The following DENND1B variants were observed in gnomAD, a reference collection of about 807,000 sequenced individuals.
DENND1B encodes DENN domain containing 1B, also known as DENN domain-containing protein 1B.
Under a neutral mutation model 90.1 loss-of-function variants are expected in DENND1B, and 59 were observed. The ratio of observed to expected loss-of-function variants is 0.65; its 90% CI spans 0.53 to 0.81. The LOEUF (loss-of-function observed/expected upper bound fraction) is 0.81, where lower values mean the gene tolerates loss of function less well. Ranked by LOEUF, DENND1B falls within the 40% of genes least tolerant of loss-of-function variation. The pLI is 0.00. For missense variants in DENND1B, 862 were observed against 912.6 expected, an observed-to-expected ratio of 0.94 and a Z score of 0.71; for synonymous variants, 337 against 324.6, an observed-to-expected ratio of 1.04 and a Z score of -0.41.
At chr1:197,714,667 T>A (rs79442773) in intron 3 of DENND1B, among the ~76,000 whole-genome samples, 1 of 152,152 alleles carries the variant, frequency 6.6e-6, no homozygotes, top group Non-Finnish European at 1.5e-5. Context: ...TACTTCTAAG[T>A]ACACAGAAAG....
chr1:197,544,979 GA>G (rs1670669827), intron 18 of DENND1B, among the ~76,000 whole-genome samples: 7 of 28,276 alleles, frequency 2.5e-4, no homozygotes, highest in Non-Finnish European at 4.8e-4. Flanking sequence ...GAGGAAGGAG[GA>G]AGGGGAAGAA....
At chr1:197,669,672 GA>G (rs1261827116) in intron 5 of DENND1B, among the ~76,000 whole-genome samples, 3 of 151,844 alleles carry the variant, frequency 2.0e-5, no homozygotes, top group Non-Finnish European at 4.4e-5. Flanking sequence ...AATTTACTAG[GA>G]AAAATAAGCT....
chr1:197,770,649 T>TACAC (rs1440520708), intron 2 of DENND1B, among the ~76,000 whole-genome samples: 3 of 143,320 alleles, frequency 2.1e-5, no homozygotes, highest in African/African-American at 7.8e-5. Flanking sequence ...TATCTATAAA[T>TACAC]ATATATCTAT....
At chr1:197,759,204 T>C (rs80131051) in intron 2 of DENND1B, among the ~76,000 whole-genome samples, 150 of 151,440 alleles carry the variant, frequency 9.9e-4, no homozygotes, top group African/African-American at 3.4e-3. Context: ...CCTGGCCTCA[T>C]GTGATCCACC....
chr1:197,526,866 T>C (rs1427641458), intron 20 of DENND1B, among the ~76,000 whole-genome samples: 1 of 152,190 alleles, frequency 6.6e-6, no homozygotes, highest in Admixed American at 6.5e-5. Context: ...TCAATGTGTA[T>C]TCTGTTGTGT....
chr1:197,591,501 T>C (rs1463495123), intron 14 of DENND1B, among the ~76,000 whole-genome samples: 1 of 152,102 alleles, frequency 6.6e-6, no homozygotes, highest in African/African-American at 2.4e-5. Flanking sequence ...TTCAGTACAA[T>C]ATATTCAGTC....
chr1:197,583,017 T>TA, intron 15 of DENND1B, 135 bp downstream of exon 15: 2 of 742,368 alleles, frequency 2.7e-6, no homozygotes, highest in Non-Finnish European at 4.5e-6. Flanking sequence ...AGCTACGACT[T>TA]ACAAAATAAA....
Position 197,538,655 on chromosome 1 carries a change from G to A in DENND1B, c.1515+1309C>T, listed in dbSNP as rs902472889. ...TGTTGATGAATGACTGAATTAATGG[G>A]ATTTTTTTTTTTTTTTTTTTTTTTT... On this transcript the variant is annotated intron_variant, in intron 20 of 22. Coordinates refer to ENST00000620048, the MANE Select transcript of DENND1B (RefSeq NM_001195215.2). Among the ~76,000 whole-genome samples the A allele has an allele frequency of 3.9e-4, 54 of 137,376 alleles. 1 individual carries two copies. In the East Asian group the frequency reaches 0.01, roughly 26 times the overall value. The allele number at this position is 137,376 out of a possible 152,430, so 90.1% of individuals were successfully genotyped here. A position where few individuals can be genotyped will look rare whatever the true frequency, so the allele number is the denominator to read the frequency against.
intron 10 of DENND1B, among the ~76,000 whole-genome samples, chr1:197,619,282 C>T (rs1677933542): frequency 6.6e-6 from 1 of 151,140 alleles, no homozygotes; most frequent in African/African-American, 2.4e-5. Context: ...ATTTATGTTA[C>T]AAACTGCAGC....
intron 2 of DENND1B, among the ~76,000 whole-genome samples, chr1:197,743,620 A>G (rs1461594536): frequency 5.3e-5 from 8 of 152,170 alleles, no homozygotes. Flanking sequence ...TCCTTTCACA[A>G]AAGATTTCTT....
intron 14 of DENND1B, among the ~76,000 whole-genome samples, chr1:197,591,142 C>A (rs1378637150): frequency 6.6e-6 from 1 of 152,096 alleles, no homozygotes; most frequent in Non-Finnish European, 1.5e-5. Flanking sequence ...AGTTATCTCC[C>A]AGGTTTCTTG....
intron 3 of DENND1B, among the ~76,000 whole-genome samples, chr1:197,692,727 AC>A (rs1473850156): frequency 6.6e-6 from 1 of 151,796 alleles, no homozygotes; most frequent in Non-Finnish European, 1.5e-5. Context: ...CCTCTTAAAA[AC>A]CAAAATATTT....
At chr1:197,611,389 TGTG>T (rs1677169887) in intron 12 of DENND1B, among the ~76,000 whole-genome samples, 1 of 150,796 alleles carries the variant, frequency 6.6e-6, no homozygotes. Flanking sequence ...TTTAAAATGA[TGTG>T]GTAATTGTGG....
intron 20 of DENND1B, among the ~76,000 whole-genome samples, chr1:197,520,741 A>G (rs188306263): frequency 1.3e-5 from 2 of 152,124 alleles, no homozygotes; most frequent in African/African-American, 4.8e-5. Context: ...AAAGTTTTAT[A>G]TCATTCTGAT....
chr1:197,671,919 A>T, intron 5 of DENND1B, 118 bp downstream of exon 5: 1 of 1,082,990 alleles, frequency 9.2e-7, no homozygotes, highest in Non-Finnish European at 1.2e-6. Flanking sequence ...AATCAGGAAA[A>T]TTATTTTTCA....
intron 3 of DENND1B, among the ~76,000 whole-genome samples, chr1:197,683,258 T>G (rs1376601189): frequency 6.6e-6 from 1 of 152,100 alleles, no homozygotes; most frequent in Non-Finnish European, 1.5e-5. Context: ...AATAAATATC[T>G]CAGTTTGAAC....
intron 12 of DENND1B, among the ~76,000 whole-genome samples, chr1:197,610,322 A>T (rs80156865): frequency 6.6e-6 from 1 of 150,706 alleles, no homozygotes; most frequent in Non-Finnish European, 1.5e-5. Flanking sequence ...ACTTAAAAAC[A>T]GTATTGGTTT....
chr1:197,545,785 T>C, intron 18 of DENND1B, 137 bp downstream of exon 18: 1 of 667,994 alleles, frequency 1.5e-6, no homozygotes, highest in South Asian at 2.3e-5. Context: ...GAATTTGCTT[T>C]GGTCAATATT....
intron 10 of DENND1B, among the ~76,000 whole-genome samples, chr1:197,625,557 A>T (rs1282587767): frequency 2.0e-5 from 3 of 152,164 alleles, no homozygotes; most frequent in Non-Finnish European, 2.9e-5. Context: ...CCACTGCAAA[A>T]TCATGCCAAA....
Sources: allele counts gnomAD v4.1 joint callset (sites outside exome capture counted in the v4.1 genomes callset), GRCh38; gene constraint gnomAD v4.1.1; transcripts MANE v1.5; gene names NCBI Gene and HGNC (gene_info 2026-07-23, HGNC 2026-07-21).